The following LIN37 variants were observed in gnomAD, a reference collection of about 807,000 sequenced individuals.
LIN37 encodes the protein protein lin-37 homolog.
A neutral mutation model predicts 38.0 loss-of-function variants in LIN37; 21 were observed. The ratio of observed to expected loss-of-function variants is 0.55; its 90% CI spans 0.39 to 0.80. The LOEUF (loss-of-function observed/expected upper bound fraction) is 0.80. Ranked by LOEUF, LIN37 falls within the 30% of genes least tolerant of loss-of-function variation. LIN37 has a pLI of 0.00. For synonymous variants in LIN37, 126 were observed against 122.9 expected, an observed-to-expected ratio of 1.03 and a Z score of -0.17; for missense variants, 273 against 338.5, an observed-to-expected ratio of 0.81 and a Z score of 1.52.
intron 1 of LIN37, among the ~76,000 whole-genome samples, chr19:35,751,098 G>A (rs1180835545): frequency 6.6e-6 from 1 of 152,170 alleles, no homozygotes; most frequent in African/African-American, 2.4e-5. Flanking sequence ...GAGGCCAGCA[G>A]ATCACTGAGG....
rs1359016439 is a variant in LIN37 at position 35,752,258 on chromosome 19, CAGCG to C, written c.110+8_110+11del. The C allele has an allele frequency of 2.5e-6, 4 of 1,603,332 alleles. No individual in the cohort carries two copies. In the Admixed American group the frequency reaches 6.9e-5, roughly 28 times the overall value. ...AGAAGAGTCACATGGACAGGTAGGC[CAGCG>C]TGGGGTCACAGGGCCGGGCACCCTG... On this transcript the variant is annotated splice_region_variant and intron_variant, in intron 2 of 8. Coordinates refer to ENST00000301159, the MANE Select transcript of LIN37 (RefSeq NM_019104.3).
chr19:35,752,885 C>G, intron 4 of LIN37, 29 bp from the exon 5 acceptor site: 5 of 1,591,242 alleles, frequency 3.1e-6, no homozygotes, highest in Non-Finnish European at 4.3e-6. Context: ...GCTCCTACCC[C>G]AGTCCTGACA....
chr19:35,749,583 C>T (rs1216249121), intron 1 of LIN37, among the ~76,000 whole-genome samples: 2 of 149,072 alleles, frequency 1.3e-5, no homozygotes, highest in East Asian at 3.9e-4. Flanking sequence ...CACTTGAGGT[C>T]AGGAGTTTGA....
rs774739431 is a variant in LIN37, at chr19:35,752,988, C to T, written c.266C>T (p.Pro89Leu). 1.8e-5 allele frequency: 28 copies of T among 1,568,312 alleles called. No individual in the cohort carries two copies. Among genetic ancestry groups the T allele is most frequent in the South Asian group, 9.4e-5 (8 of 85,114 alleles). The part of the protein sequence containing the change: ...EMDDGLAEGG[P>L]QRSNTYVIKL... ...GATGATGGGCTGGCTGAGGGAGGGCCGCAGCGATCCAGTGAGTAGACAGTG... is the reference window on the plus strand; with the variant it reads ...GATGATGGGCTGGCTGAGGGAGGGCTGCAGCGATCCAGTGAGTAGACAGTG... The change falls in exon 5 of 9, where the codon CCG becomes CTG. Residue 89 changes from proline (P) to leucine (L), a missense_variant. Physicochemically the swap from Pro to Leu is moderately conservative, Grantham distance 98. Transcript: ENST00000301159.
At chr19:35,749,377 G>A (rs1970649204) in intron 1 of LIN37, among the ~76,000 whole-genome samples, 1 of 152,172 alleles carries the variant, frequency 6.6e-6, no homozygotes, top group African/African-American at 2.4e-5. Flanking sequence ...AGAATTTTGG[G>A]TTGGGGCGGA....
At chr19:35,751,763 G>A (rs1372116395) in intron 1 of LIN37, among the ~76,000 whole-genome samples, 2 of 152,158 alleles carry the variant, frequency 1.3e-5, no homozygotes, top group Non-Finnish European at 2.9e-5. Flanking sequence ...CACTGGGACA[G>A]GCACAGTGGC....
chr19:35,754,047 G>T lies in LIN37; in HGVS notation c.475G>T (p.Asp159Tyr), dbSNP rs1352255729. The T allele has an allele frequency of 1.2e-6, 2 of 1,613,710 alleles. No homozygotes were observed. Among genetic ancestry groups the T allele is most frequent in the Non-Finnish European group, 1.7e-6 (2 of 1,179,884 alleles). ...AGAGGTAACCAACAGCAAGAGTCGT[G>T]ATGTGTACAAGCTGCCGCCACCCAC... ...GSEVTNSKSRDVYKLPPPTPP... is the reference protein window; with the variant it reads ...GSEVTNSKSRYVYKLPPPTPP... Residue 159 changes from aspartate to tyrosine, a missense_variant, in exon 7 of 9, where the codon GAT (aspartate) becomes TAT (tyrosine). Coordinates refer to ENST00000301159, the MANE Select transcript of LIN37 (RefSeq NM_019104.3).
At chr19:35,752,505 T>C in intron 3 of LIN37, 21 bp downstream of exon 3, 1 of 1,613,552 alleles carries the variant, frequency 6.2e-7, no homozygotes, top group Non-Finnish European at 8.5e-7. Flanking sequence ...CTGATTGGAT[T>C]TGGAGTTGAG....
At chr19:35,753,623 C>G in intron 6 of LIN37, 1 of 490,730 alleles carries the variant, frequency 2.0e-6, no homozygotes, top group South Asian at 2.2e-5. Flanking sequence ...AGTCTATAAG[C>G]CATCTGACCC....
At chr19:35,750,059 A>C (rs173003) in intron 1 of LIN37, among the ~76,000 whole-genome samples, 95,727 of 151,510 alleles carry the variant, frequency 0.63, 32,260 homozygotes, top group African/African-American at 0.88. Context: ...GCAGGGAGCC[A>C]AGGGGGAGCA....
chr19:35,752,220 C>A lies in LIN37; in HGVS notation c.79C>A (p.Gln27Lys). Residue 27 changes from glutamine to lysine, a missense_variant, in exon 2 of 9, where the codon CAG becomes AAG. Transcript: ENST00000301159. ...CCGGAACCAACTGGATGCTGTCTTGCAGTGTCTGCTGGAGAAGAGTCACAT... is the reference window on the plus strand; with the variant it reads ...CCGGAACCAACTGGATGCTGTCTTGAAGTGTCTGCTGGAGAAGAGTCACAT... ...KARNQLDAVL[Q>K]CLLEKSHMDR... is the part of the protein sequence containing the mutation. The A allele has an allele frequency of 1.9e-6, 3 of 1,607,312 alleles. No individual in the cohort carries two copies. Among genetic ancestry groups the A allele is most frequent in the Non-Finnish European group, 2.5e-6 (3 of 1,176,944 alleles).
chr19:35,748,741 T>A lies in LIN37; in HGVS notation c.17T>A (p.Val6Glu), dbSNP rs751636541. The change falls in exon 1 of 9, where the codon GTG becomes GAG. Residue 6 changes from valine to glutamate, a missense_variant. Transcript: ENST00000301159. Reference sequence around the variant, plus strand: ...ACCCAAACCATGTTCCCTGTGAAGGTGAAAGTGGAGAAATCAGGTGAGGAC... The same window carrying A: ...ACCCAAACCATGTTCCCTGTGAAGGAGAAAGTGGAGAAATCAGGTGAGGAC... MFPVK[V>E]KVEKSELEMA... 2 of 1,613,646 alleles carry A rather than the reference T, an allele frequency of 1.2e-6. No homozygotes were observed. The highest frequency in any genetic ancestry group is 1.7e-6 in the Non-Finnish European group (2 of 1,179,782).
Position 35,754,085 on chromosome 19 carries a change from A to G in LIN37, c.513A>G (p.Pro171=). 6.2e-7 allele frequency: 1 copy of G among 1,613,866 alleles called. No individual in the cohort carries two copies. The highest frequency in any genetic ancestry group is 1.7e-5 in the Admixed American group (1 of 60,024). The change falls in exon 7 of 9, where the codon CCA becomes CCG. Residue 171 remains proline (P), a synonymous_variant. Transcript: ENST00000301159. ...YKLPPPTPPG[P]PGDACRSRIP... ...TGCCGCCACCCACACCCCCGGGGCC[A>G]CCCGGAGATGCCTGCAGATCCCGCA...
chr19:35,754,517 A>C lies in LIN37; in HGVS notation c.*43A>C. ...ACACCAGTAAACATCCCCCAGCTCC[A>C]CACTGGTGTCTGCTCCGGTCCCTCC... On this transcript the variant is annotated 3_prime_UTR_variant, in exon 9 of 9. Transcript: ENST00000301159. 40 of 1,564,268 alleles carry C rather than the reference A, an allele frequency of 2.6e-5. No homozygotes were observed. The highest frequency in any genetic ancestry group is 3.4e-5 in the Non-Finnish European group (39 of 1,135,398).
chr19:35,752,340 C>G, intron 2 of LIN37, 89 bp downstream of exon 2: 1 of 1,576,954 alleles, frequency 6.3e-7, no homozygotes, highest in East Asian at 2.3e-5. Flanking sequence ...CACAGGCTGA[C>G]TTGGGGAGGA....
In LIN37 at chr19:35,752,421, C is replaced by T; in HGVS notation, c.111-13C>T. 2 of 1,613,930 alleles carry T rather than the reference C, an allele frequency of 1.2e-6. No homozygotes were observed. The highest frequency in any genetic ancestry group is 1.7e-6 in the Non-Finnish European group (2 of 1,179,814). On this transcript the variant is annotated splice_polypyrimidine_tract_variant and intron_variant, in intron 2 of 8. Coordinates refer to ENST00000301159, the MANE Select transcript of LIN37 (RefSeq NM_019104.3). ...CCTGGAACCCTGAGCTGAGAGATCT[C>T]TTCTGCCTCTAGGGAGCGTCTGGAT...
At chr19:35,751,793 A>G (rs1970682864) in intron 1 of LIN37, among the ~76,000 whole-genome samples, 1 of 152,210 alleles carries the variant, frequency 6.6e-6, no homozygotes, top group South Asian at 2.1e-4. Flanking sequence ...TAATCCCAGC[A>G]CTTTGGGAAG....
chr19:35,750,235 G>A (rs1318629152), intron 1 of LIN37, among the ~76,000 whole-genome samples: 1 of 152,166 alleles, frequency 6.6e-6, no homozygotes, highest in Non-Finnish European at 1.5e-5. Flanking sequence ...ACCCTTGAGA[G>A]GGAGGCTTCA....
rs560270836 is a variant in LIN37, at chr19:35,748,621, C to T, written c.-104C>T. 1.1e-5 allele frequency: 16 copies of T among 1,516,546 alleles called. No individual in the cohort carries two copies. Among genetic ancestry groups the T allele is most frequent in the Non-Finnish European group, 1.3e-5 (14 of 1,092,486 alleles). 93.9% of individuals were successfully genotyped at this position (1,516,546 alleles called of 1,614,324 possible). A position where few individuals can be genotyped will look rare whatever the true frequency, so the allele number is the denominator to read the frequency against. ...CCAAAGGCGGAGGACCCGTGGCCCACGAAGCTCATCTTTGAACTGTCCCCG... is the reference window on the plus strand; with the variant it reads ...CCAAAGGCGGAGGACCCGTGGCCCATGAAGCTCATCTTTGAACTGTCCCCG... On this transcript the variant is annotated 5_prime_UTR_variant, in exon 1 of 9. In the 5' UTR this introduces an upstream ATG that the reference lacks. Coordinates refer to ENST00000301159, the MANE Select transcript of LIN37 (RefSeq NM_019104.3).
Sources: gnomAD v4.1 joint callset for allele counts (sites outside exome capture counted in the v4.1 genomes callset) on GRCh38, gnomAD v4.1.1 for gene constraint, MANE v1.5 for transcripts, NCBI Gene and HGNC (gene_info 2026-07-23, HGNC 2026-07-21) for gene names.